KDM6A: variants seen among roughly 807,000 people sequenced by gnomAD.
KDM6A encodes the protein lysine demethylase 6A, also known as lysine-specific demethylase 6A.
A neutral mutation model predicts 117.6 loss-of-function variants in KDM6A; 11 were observed. The observed-to-expected ratio is 0.09, with a 90% CI of 0.06 to 0.15. The LOEUF (loss-of-function observed/expected upper bound fraction) is 0.15. KDM6A is among the 10% of genes least tolerant of loss of function. KDM6A has a pLI of 1.00. For missense variants in KDM6A, 799 were observed against 1,077.3 expected, an observed-to-expected ratio of 0.74 and a Z score of 3.62; for synonymous variants, 384 against 396.1, an observed-to-expected ratio of 0.97 and a Z score of 0.36.
In KDM6A at chrX:44,922,027, C is replaced by CTTTTTTTTTTTTTTTTTTTTT. The variant is rs1412985730; in HGVS notation, c.226-39257_226-39256insTTTTTTTTTTTTTTTTTTTTT. Among the ~76,000 whole-genome samples the CTTTTTTTTTTTTTTTTTTTTT allele has an allele frequency of 6.4e-3, 242 of 37,712 alleles. 111 individuals are homozygous for CTTTTTTTTTTTTTTTTTTTTT. Among genetic ancestry groups the CTTTTTTTTTTTTTTTTTTTTT allele is most frequent in the South Asian group, 9.0e-3 (3 of 334 alleles). 32.7% of individuals were successfully genotyped at this position (37,712 alleles called of 115,157 possible). ...ATGCTGATAAAATTCATTGTGTGTG[C>CTTTTTTTTTTTTTTTTTTTTT]CTTTTTTTTTTTTTTTTTTTTTTTT... On this transcript the variant is annotated intron_variant, in intron 2 of 29. Coordinates refer to ENST00000611820, the MANE Select transcript of KDM6A (RefSeq NM_001291415.2).
chrX:45,083,358 T>C, intron 23 of KDM6A, 102 bp from the exon 24 acceptor site: 1 of 781,351 alleles, frequency 1.3e-6, no homozygotes, highest in Non-Finnish European at 1.9e-6. Flanking sequence ...TTTATAGACT[T>C]AATTGTTTTT....
intron 6 of KDM6A, among the ~76,000 whole-genome samples, chrX:45,027,587 A>G (rs900863816): frequency 1.1e-4 from 12 of 110,538 alleles, no homozygotes; most frequent in Non-Finnish European, 2.1e-4. Flanking sequence ...CACCCCCAAC[A>G]GCTTGGAATA....
intron 2 of KDM6A, among the ~76,000 whole-genome samples, chrX:44,955,840 A>G (rs1024045473): frequency 8.1e-5 from 9 of 111,382 alleles, no homozygotes; most frequent in Non-Finnish European, 1.7e-4. Flanking sequence ...TAAATTTTAC[A>G]GGGTTGTACT....
At chrX:45,015,015 A>G (rs886099976) in intron 5 of KDM6A, among the ~76,000 whole-genome samples, 3 of 112,542 alleles carry the variant, frequency 2.7e-5, no homozygotes, top group Admixed American at 9.4e-5. Context: ...AGAATGAGGT[A>G]GAAATGAATT....
chrX:44,963,005 G>A (rs143591200), intron 3 of KDM6A, among the ~76,000 whole-genome samples: 1,426 of 112,063 alleles, frequency 0.013, 26 homozygotes, highest in African/African-American at 0.044. Context: ...ATATGATGCT[G>A]TTTGAAAGCA....
intron 8 of KDM6A, among the ~76,000 whole-genome samples, chrX:45,048,269 A>T (rs993376278): frequency 1.1e-4 from 12 of 109,619 alleles, no homozygotes; most frequent in Non-Finnish European, 1.7e-4. Flanking sequence ...CCTGATCTTC[A>T]TAAGTTTAAT....
intron 2 of KDM6A, among the ~76,000 whole-genome samples, chrX:44,951,492 T>C (rs775019142): frequency 2.5e-4 from 28 of 112,001 alleles, no homozygotes; most frequent in Middle Eastern, 4.6e-3. Context: ...ACTTAGTTTT[T>C]TTTGGTTGGG....
intron 17 of KDM6A, among the ~76,000 whole-genome samples, chrX:45,066,975 A>C (rs1260358932): frequency 8.9e-6 from 1 of 112,018 alleles, no homozygotes; most frequent in East Asian, 2.8e-4. Context: ...TCCAGGTCAA[A>C]AGTTTCCCAA....
intron 27 of KDM6A, among the ~76,000 whole-genome samples, chrX:45,097,546 C>A (rs752504616): frequency 2.2e-4 from 24 of 111,055 alleles, no homozygotes; most frequent in Non-Finnish European, 4.3e-4. Context: ...TTCAGCACCA[C>A]ATGAGTTTAT....
chrX:44,940,000 T>C (rs2037200521), intron 2 of KDM6A, among the ~76,000 whole-genome samples: 1 of 112,413 alleles, frequency 8.9e-6, no homozygotes, highest in Non-Finnish European at 1.9e-5. Context: ...AATTCTATTG[T>C]GGCGGTCTCC....
At chrX:44,913,542 A>G (rs766126990) in intron 2 of KDM6A, among the ~76,000 whole-genome samples, 1 of 110,145 alleles carries the variant, frequency 9.1e-6, no homozygotes, top group East Asian at 2.8e-4. Flanking sequence ...ACCTCAGGTG[A>G]TCTGCCCGTC....
intron 2 of KDM6A, among the ~76,000 whole-genome samples, chrX:44,895,979 C>T (rs1046864280): frequency 9.1e-6 from 1 of 110,398 alleles, no homozygotes; most frequent in African/African-American, 3.3e-5. Flanking sequence ...ATGTAACTTA[C>T]CACTGTCTAC....
chrX:45,042,611 T>C (rs2043320890), intron 8 of KDM6A, among the ~76,000 whole-genome samples: 1 of 111,549 alleles, frequency 9.0e-6, no homozygotes, highest in Non-Finnish European at 1.9e-5. Flanking sequence ...TACTGCTAGG[T>C]AAACAATAGT....
chrX:45,039,202 T>A (rs1377668053), intron 8 of KDM6A, among the ~76,000 whole-genome samples: 2 of 110,580 alleles, frequency 1.8e-5, no homozygotes, highest in African/African-American at 6.6e-5. Context: ...CATCTGCACT[T>A]TGCCTCCCCA....
intron 6 of KDM6A, among the ~76,000 whole-genome samples, chrX:45,024,035 G>A (rs1336748586): frequency 8.9e-6 from 1 of 112,102 alleles, no homozygotes; most frequent in African/African-American, 3.2e-5. Flanking sequence ...TCCACTCATT[G>A]GTTGATGGGT....
At chrX:45,007,701 T>C (rs1375971787) in intron 4 of KDM6A, among the ~76,000 whole-genome samples, 2 of 112,073 alleles carry the variant, frequency 1.8e-5, no homozygotes, top group African/African-American at 6.5e-5. Context: ...CTCCTGCCTT[T>C]ATGGCATTTT....
chrX:44,956,684 A>G (rs1313395711), intron 2 of KDM6A, among the ~76,000 whole-genome samples: 1 of 111,926 alleles, frequency 8.9e-6, no homozygotes, highest in Non-Finnish European at 1.9e-5. Flanking sequence ...TGCTGGGATT[A>G]TAGGCGTGAG....
In KDM6A at chrX:45,006,168, C is replaced by G. The variant is rs1242860590; in HGVS notation, c.385-4793C>G. 2.6e-3 allele frequency among the ~76,000 whole-genome samples: 225 copies of G among 87,776 alleles called. 1 individual carries two copies. Among genetic ancestry groups the G allele is most frequent in the South Asian group, 4.4e-3 (5 of 1,138 alleles). The allele number at this position is 87,776 out of a possible 115,157, so 76.2% of individuals were successfully genotyped here. ...CCAGTCCCCCCCAGCCCTGCGCCCC[C>G]CCCCGCCGCCATGTTGCCAAGAGCT... On this transcript the variant is annotated intron_variant, in intron 4 of 29. Coordinates refer to ENST00000611820, the MANE Select transcript of KDM6A (RefSeq NM_001291415.2).
intron 2 of KDM6A, among the ~76,000 whole-genome samples, chrX:44,926,408 T>C (rs2036306881): frequency 9.0e-6 from 1 of 111,410 alleles, no homozygotes. Context: ...AAATAAGATG[T>C]ATTTAATTAT....
Sources: allele counts gnomAD v4.1 joint callset (sites outside exome capture counted in the v4.1 genomes callset), GRCh38; gene constraint gnomAD v4.1.1; transcripts MANE v1.5; gene names NCBI Gene and HGNC (gene_info 2026-07-23, HGNC 2026-07-21).